Variants in ABCA5 observed in about 807,000 individuals in gnomAD.
ABCA5 encodes cholesterol transporter ABCA5.
A neutral mutation model predicts 206.0 loss-of-function variants in ABCA5; 163 were observed. The ratio of observed to expected loss-of-function variants is 0.79; its 90% CI spans 0.70 to 0.90. The LOEUF is 0.90. Among genes scored for constraint, ABCA5 ranks in the 40% least tolerant of loss-of-function variants. The pLI, the probability that ABCA5 is intolerant of heterozygous loss-of-function variation, is 0.00. For synonymous variants in ABCA5, 609 were observed against 613.8 expected (o/e 0.99, Z 0.11); for missense variants, 1,859 against 1,912.9 (o/e 0.97, Z 0.53).
In ABCA5 at chr17:69,301,249, A is replaced by G. The variant is rs201966309; in HGVS notation, c.1157T>C (p.Phe386Ser). 5 of 1,599,376 alleles carry G rather than the reference A, an allele frequency of 3.1e-6. No individual in the cohort carries two copies. Among genetic ancestry groups the G allele is most frequent in the Non-Finnish European group, 4.2e-6 (5 of 1,176,620 alleles). ...HLEDFNEGAS[F>S]SNLTAGPYPL... The stretch of plus-strand genomic sequence containing the variant: ...ATATGGGCCTGCAGTCAAATTTGAA[A>G]ATGAAGCACCTTCATTAAAATCTTC... Residue 386 changes from phenylalanine to serine, a missense_variant, in exon 9 of 39, where the codon TTT (phenylalanine) becomes TCT (serine). Physicochemically the swap from Phe to Ser is radical, Grantham distance 155. Transcript: ENST00000392676.
chr17:69,278,536 AAT>A (rs2144954542), intron 18 of ABCA5, among the ~76,000 whole-genome samples: 1 of 152,338 alleles, frequency 6.6e-6, no homozygotes, highest in South Asian at 2.1e-4. Context: ...TGCCTACTTC[AAT>A]ATAATTTCCT....
rs931916386 is a variant in ABCA5, at chr17:69,283,959, G to T, written c.2386C>A (p.Gln796Lys). The T allele has an allele frequency of 1.8e-5, 29 of 1,605,310 alleles. No homozygotes were observed. The highest frequency in any genetic ancestry group is 2.3e-5 in the Non-Finnish European group (27 of 1,176,320). Residue 796 changes from glutamine to lysine, a missense_variant, in exon 18 of 39, where the codon CAA becomes AAA. Coordinates refer to ENST00000392676, the MANE Select transcript of ABCA5 (RefSeq NM_172232.4). ...TTGTTAGTTCTGTTTTTACCTGCTT[G>T]GTCAATTTCTGCTTCAACTTCTAGC... ...LKLEVEAEIDQADYSVFTQQP... is the reference protein window; with the variant it reads ...LKLEVEAEIDKADYSVFTQQP...
In ABCA5 at chr17:69,251,833, C is replaced by T; in HGVS notation, c.4449G>A (p.Lys1483=). The T allele has an allele frequency of 1.2e-6, 2 of 1,613,744 alleles. No individual in the cohort carries two copies. The highest frequency in any genetic ancestry group is 1.7e-6 in the Non-Finnish European group (2 of 1,179,940). ...RAIRTAFKNR[K]RAAILTTHYM... ...AGTGAGTGGTCAGAATAGCAGCCCG[C>T]TTTCTGTTTTTAAATGCAGTTCGAA... Residue 1483 remains lysine (K), a synonymous_variant, in exon 35 of 39, where the codon AAG becomes AAA. Coordinates refer to ENST00000392676, the MANE Select transcript of ABCA5 (RefSeq NM_172232.4).
At chr17:69,282,322 A>C (rs1244470973) in intron 18 of ABCA5, among the ~76,000 whole-genome samples, 1 of 152,132 alleles carries the variant, frequency 6.6e-6, no homozygotes, top group Non-Finnish European at 1.5e-5. Flanking sequence ...CTCACCCAGG[A>C]GGCTTGCCCC....
intron 1 of ABCA5, among the ~76,000 whole-genome samples, chr17:69,324,969 A>G (rs1386479657): frequency 6.6e-6 from 1 of 152,186 alleles, no homozygotes; most frequent in East Asian, 1.9e-4. Context: ...AAAGGGATAA[A>G]TTATAAATGC....
chr17:69,249,675 CT>C (rs2074989930), intron 37 of ABCA5: 1 of 478,362 alleles, frequency 2.1e-6, no homozygotes, highest in Non-Finnish European at 3.7e-6. Context: ...TAGTGTTTAC[CT>C]GTGTCTTAGA....
At chr17:69,275,036 G>T (rs1036388301) in intron 19 of ABCA5, among the ~76,000 whole-genome samples, 1 of 151,884 alleles carries the variant, frequency 6.6e-6, no homozygotes, top group Non-Finnish European at 1.5e-5. Context: ...TAGAGACAGG[G>T]TTTTGCCATG....
chr17:69,260,251 A>C, intron 27 of ABCA5, 87 bp downstream of exon 27: 1 of 983,590 alleles, frequency 1.0e-6, no homozygotes, highest in Non-Finnish European at 1.5e-6. Flanking sequence ...TTCATGCAAC[A>C]GGATAAAAAA....
At position 69,246,933 on chromosome 17, in the gene ABCA5, G is replaced by C. The variant is rs2074958060; in HGVS notation, c.*604C>G. 1 of 151,880 alleles carries C rather than the reference G, an allele frequency of 6.6e-6. No individual in the cohort carries two copies. The allele number at this position is 151,880 out of a possible 1,614,324, so 9.4% of individuals were successfully genotyped here. Reference sequence around the variant, plus strand: ...CCTAATTACCTAAGCCTAAAATCATGTACTAGAACAAGGGCTCATTTCACT... The same window carrying C: ...CCTAATTACCTAAGCCTAAAATCATCTACTAGAACAAGGGCTCATTTCACT... On this transcript the variant is annotated 3_prime_UTR_variant, in exon 39 of 39. Coordinates refer to ENST00000392676, the MANE Select transcript of ABCA5 (RefSeq NM_172232.4).
intron 18 of ABCA5, among the ~76,000 whole-genome samples, chr17:69,279,247 CAGAG>C (rs1401162849): frequency 6.6e-6 from 1 of 151,996 alleles, no homozygotes; most frequent in Non-Finnish European, 1.5e-5. Flanking sequence ...CAACAACAGA[CAGAG>C]AGCCAAATCA....
At chr17:69,313,069 A>G (rs1567783159) in intron 3 of ABCA5, 23 bp downstream of exon 3, 1 of 1,485,576 alleles carries the variant, frequency 6.7e-7, no homozygotes, top group South Asian at 1.3e-5. Context: ...TATAAACAGA[A>G]TATATATATA....
At position 69,306,905 on chromosome 17, in the gene ABCA5, A is replaced by G. The variant is rs992032843; in HGVS notation, c.608T>C (p.Val203Ala). The G allele has an allele frequency of 6.3e-7, 1 of 1,589,584 alleles. No individual in the cohort carries two copies. Among genetic ancestry groups the G allele is most frequent in the South Asian group, 1.1e-5 (1 of 87,452 alleles). The change falls in exon 6 of 39, where the codon GTT (valine) becomes GCT (alanine). Residue 203 changes from valine to alanine, a missense_variant. Val to Ala is a moderately conservative substitution (Grantham distance 64). Transcript: ENST00000392676. Reference protein sequence around the residue: ...LWKELESTKAVIMGETAVVEI... With the variant: ...LWKELESTKAAIMGETAVVEI... Reference sequence around the variant, plus strand: ...TACAACAGCAGTTTCTCCCATAATAACAGCTTTAGTTGACTCCAGCTCCTT... The same window carrying G: ...TACAACAGCAGTTTCTCCCATAATAGCAGCTTTAGTTGACTCCAGCTCCTT...
chr17:69,307,793 T>C (rs2075733240), intron 5 of ABCA5, among the ~76,000 whole-genome samples: 1 of 152,136 alleles, frequency 6.6e-6, no homozygotes, highest in Admixed American at 6.5e-5. Context: ...TGTTCAGATT[T>C]TGATTCCAGC....
At chr17:69,265,002 G>C (rs1165917882) in intron 23 of ABCA5, 97 bp from the exon 24 acceptor site, 3 of 854,680 alleles carry the variant, frequency 3.5e-6, no homozygotes. Context: ...TTTTACATCA[G>C]CAAAACCAAA....
intron 20 of ABCA5, among the ~76,000 whole-genome samples, chr17:69,271,664 A>ACTG (rs2075275772): frequency 1.3e-5 from 2 of 151,926 alleles, no homozygotes; most frequent in Admixed American, 6.5e-5. Flanking sequence ...TGCTGCCACC[A>ACTG]CTGCTGCTGC....
At chr17:69,271,472 G>A (rs888209130) in intron 20 of ABCA5, among the ~76,000 whole-genome samples, 183 bp from the exon 21 acceptor site, 13 of 151,938 alleles carry the variant, frequency 8.6e-5, no homozygotes, top group Non-Finnish European at 1.6e-4. Flanking sequence ...TAAACTATTC[G>A]TCCTTCAAGC....
chr17:69,263,086 G>GT (rs1235333711), intron 24 of ABCA5, among the ~76,000 whole-genome samples: 1 of 152,026 alleles, frequency 6.6e-6, no homozygotes, highest in Non-Finnish European at 1.5e-5. Context: ...ATGGAGTTTT[G>GT]TTTTTTGATT....
In ABCA5 at chr17:69,261,183, G is replaced by A; in HGVS notation, c.3506C>T (p.Ala1169Val). The A allele has an allele frequency of 6.2e-7, 1 of 1,607,026 alleles. No individual in the cohort carries two copies. Among genetic ancestry groups the A allele is most frequent in the South Asian group, 1.1e-5 (1 of 89,858 alleles). The change falls in exon 26 of 39, where the codon GCC (alanine) becomes GTC (valine). Residue 1169 changes from alanine to valine, a missense_variant. Physicochemically the swap from Ala to Val is moderately conservative, Grantham distance 64. Transcript: ENST00000392676. ...GYTIATILHY[A>V]FCIIIPIYPL... ...ATAGATTGGAATGATGATACAAAAG[G>A]CATAATGAAGAATAGTTGCAATTGT...
At chr17:69,289,357 A>C (rs1346623032) in intron 13 of ABCA5, 61 bp from the exon 14 acceptor site, 1 of 1,255,958 alleles carries the variant, frequency 8.0e-7, no homozygotes. Context: ...ATAATTATCA[A>C]TATTACTTTT....
Sources: allele counts gnomAD v4.1 joint callset (sites outside exome capture counted in the v4.1 genomes callset), GRCh38; gene constraint gnomAD v4.1.1; transcripts MANE v1.5; gene names NCBI Gene and HGNC (gene_info 2026-07-23, HGNC 2026-07-21).